CDK6: variants seen among roughly 807,000 people sequenced by gnomAD.
CDK6 encodes the protein cyclin dependent kinase 6, also known as cyclin-dependent kinase 6.
Under a neutral mutation model 37.1 loss-of-function variants are expected in CDK6, and 6 were observed. That is an observed-to-expected ratio of 0.16 (90% CI 0.09 to 0.32). CDK6 has a LOEUF of 0.32. CDK6 is among the 10% of genes least tolerant of loss of function. The pLI is 1.00. For synonymous variants in CDK6, 160 were observed against 161.3 expected (o/e 0.99, Z 0.06); for missense variants, 224 against 418.9 (o/e 0.53, Z 4.06).
At chr7:92,712,834 CTATGTATGTATGTATG>C (rs4015287) in intron 4 of CDK6, among the ~76,000 whole-genome samples, 20 of 146,426 alleles carry the variant, frequency 1.4e-4, no homozygotes, top group Admixed American at 3.4e-4. Flanking sequence ...GACATTAATC[CTATGTATGTATGTATG>C]TATGTATGTA....
chr7:92,826,596 A>T (rs1244976943), intron 2 of CDK6, among the ~76,000 whole-genome samples: 2 of 152,282 alleles, frequency 1.3e-5, no homozygotes, highest in East Asian at 1.9e-4. Flanking sequence ...CATGTTAACA[A>T]ATACAGAGGA....
intron 2 of CDK6, among the ~76,000 whole-genome samples, chr7:92,806,018 T>C (rs192135195): frequency 1.3e-5 from 2 of 152,334 alleles, no homozygotes; most frequent in Non-Finnish European, 2.9e-5. Context: ...TGCACAACAA[T>C]GTGAATGTAC....
intron 4 of CDK6, among the ~76,000 whole-genome samples, chr7:92,685,325 G>C (rs939365408): frequency 2.6e-5 from 4 of 152,200 alleles, no homozygotes; most frequent in African/African-American, 7.2e-5. Flanking sequence ...CCAGCGGAAG[G>C]CTTCTCACCT....
In CDK6 at chr7:92,834,381, T is replaced by C. The variant is rs545560566; in HGVS notation, c.-367-691A>G. Among the ~76,000 whole-genome samples, 2 of 152,046 alleles carry C rather than the reference T, an allele frequency of 1.3e-5. No homozygotes were observed. The highest frequency in any genetic ancestry group is 2.1e-4 in the South Asian group (1 of 4,818). On this transcript the variant is annotated intron_variant, in intron 1 of 7. Transcript: ENST00000424848. This position sits in a 1 kb window ranked among gnomAD's most constrained non-coding sequence, Gnocchi z 4.6. ...TCTTTTTGGGGTAAAGGAGTCTCGGTTGGAAACGGAATTCTCTCTCCGGCT... is the reference window on the plus strand; with the variant it reads ...TCTTTTTGGGGTAAAGGAGTCTCGGCTGGAAACGGAATTCTCTCTCCGGCT...
At chr7:92,820,236 T>G (rs185186796) in intron 2 of CDK6, among the ~76,000 whole-genome samples, 1 of 152,262 alleles carries the variant, frequency 6.6e-6, no homozygotes, top group Non-Finnish European at 1.5e-5. Context: ...AAACAAGTGA[T>G]GCAGAATAAG....
chr7:92,755,442 C>G (rs2115697343), intron 3 of CDK6, among the ~76,000 whole-genome samples: 1 of 152,170 alleles, frequency 6.6e-6, no homozygotes, highest in East Asian at 1.9e-4. Context: ...CTGACACTGG[C>G]TACAGGCTGC....
intron 3 of CDK6, among the ~76,000 whole-genome samples, chr7:92,736,369 G>C (rs909157170): frequency 7.9e-5 from 12 of 152,118 alleles, no homozygotes; most frequent in Non-Finnish European, 1.3e-4. Context: ...CACCTGAATA[G>C]AGTGTCCCAA....
In CDK6 at chr7:92,759,124, A is replaced by G. The variant is rs77807832; in HGVS notation, c.369+15572T>C. On this transcript the variant is annotated intron_variant, in intron 3 of 7. Coordinates refer to ENST00000424848, the MANE Select transcript of CDK6 (RefSeq NM_001145306.2). ...AAGGCAATCCAGCAAGCAGCTGAAT[A>G]TAACACACACCCAGGCTTCTTAGCC... Among the ~76,000 whole-genome samples, 8 of 152,320 alleles carry G rather than the reference A, an allele frequency of 5.3e-5. No homozygotes were observed. The East Asian group carries it at 1.3e-3, about 26-fold the overall frequency.
chr7:92,798,145 G>A (rs1800463885), intron 2 of CDK6, among the ~76,000 whole-genome samples: 1 of 152,130 alleles, frequency 6.6e-6, no homozygotes, highest in African/African-American at 2.4e-5. Flanking sequence ...GCCCAAATTT[G>A]TCCAATTCAT....
At chr7:92,711,627 A>G (rs975036371) in intron 4 of CDK6, among the ~76,000 whole-genome samples, 1 of 127,396 alleles carries the variant, frequency 7.8e-6, no homozygotes, top group Non-Finnish European at 1.5e-5. Flanking sequence ...GTGCAGTGGC[A>G]TGATCTCTCA....
chr7:92,805,137 C>T (rs1440516444), intron 2 of CDK6, among the ~76,000 whole-genome samples: 1 of 152,094 alleles, frequency 6.6e-6, no homozygotes, highest in Non-Finnish European at 1.5e-5. Flanking sequence ...TAGCCTATGC[C>T]CTTAAAGTAG....
intron 4 of CDK6, among the ~76,000 whole-genome samples, chr7:92,689,040 A>T (rs1396534266): frequency 1.3e-5 from 2 of 150,320 alleles, no homozygotes; most frequent in African/African-American, 2.4e-5. Flanking sequence ...TGTAGGAATT[A>T]TTTTTTTTAA....
intron 4 of CDK6, among the ~76,000 whole-genome samples, chr7:92,722,414 A>G (rs1331255787): frequency 1.3e-5 from 2 of 152,338 alleles, no homozygotes; most frequent in East Asian, 3.9e-4. Context: ...TTCCTGAGGC[A>G]GTAGAAAGGA....
At chr7:92,754,314 C>A (rs1799260224) in intron 3 of CDK6, among the ~76,000 whole-genome samples, 1 of 152,202 alleles carries the variant, frequency 6.6e-6, no homozygotes, top group East Asian at 1.9e-4. Flanking sequence ...TTTTCCTGTA[C>A]TCATTAGTAT....
At chr7:92,723,380 T>C (rs554954635) in intron 4 of CDK6, among the ~76,000 whole-genome samples, 1 of 152,298 alleles carries the variant, frequency 6.6e-6, no homozygotes, top group South Asian at 2.1e-4. Context: ...ACAAATTAAG[T>C]TGATTCTCAG....
At chr7:92,771,362 T>C (rs1358058969) in intron 3 of CDK6, among the ~76,000 whole-genome samples, 1 of 151,572 alleles carries the variant, frequency 6.6e-6, no homozygotes, top group Non-Finnish European at 1.5e-5. Context: ...TAAAAATATC[T>C]TAGATATGTA....
chr7:92,809,122 T>C (rs1310205711), intron 2 of CDK6, among the ~76,000 whole-genome samples: 1 of 152,216 alleles, frequency 6.6e-6, no homozygotes, highest in Admixed American at 6.5e-5. Context: ...AATGAAGATA[T>C]ATTTCTAAAG....
At chr7:92,710,086 G>A (rs1390511174) in intron 4 of CDK6, among the ~76,000 whole-genome samples, 1 of 152,168 alleles carries the variant, frequency 6.6e-6, no homozygotes, top group Non-Finnish European at 1.5e-5. Context: ...TGGTGGGGGT[G>A]TATCTCTAGA....
At position 92,606,035 on chromosome 7, in the gene CDK6, G is replaced by A. The variant is rs1585329349; in HGVS notation, c.*9105C>T. On this transcript the variant is annotated 3_prime_UTR_variant, in exon 8 of 8. Coordinates refer to ENST00000424848, the MANE Select transcript of CDK6 (RefSeq NM_001145306.2). ...GCATTCTGTAGCAATATAAGCAAAC[G>A]GAATAAGAATAATTATGCACCTTTA... 1.3e-5 allele frequency: 3 copies of A among 233,484 alleles called. No homozygotes were observed. The highest frequency in any genetic ancestry group is 6.0e-5 in the East Asian group (1 of 16,558). The allele number at this position is 233,484 out of a possible 1,614,324, so 14.5% of individuals were successfully genotyped here.
Sources: gnomAD v4.1 joint callset for allele counts (sites outside exome capture counted in the v4.1 genomes callset) on GRCh38, gnomAD v4.1.1 for gene constraint, Gnocchi (gnomAD v3.1) non-coding constraint, MANE v1.5 for transcripts, NCBI Gene and HGNC (gene_info 2026-07-23, HGNC 2026-07-21) for gene names.